The following IFT43 variants were observed in gnomAD, a reference collection of about 807,000 sequenced individuals.
IFT43 encodes the protein intraflagellar transport protein 43 homolog.
IFT43 carries 33 observed loss-of-function variants against 32.3 expected under a neutral mutation model. The ratio of observed to expected loss-of-function variants is 1.02; its 90% CI spans 0.77 to 1.37. The LOEUF is 1.37. IFT43 is among the 40% of genes most tolerant of loss of function. The pLI, the probability that IFT43 is intolerant of heterozygous loss-of-function variation, is 0.00. For missense variants in IFT43, 274 were observed against 265.9 expected (o/e 1.03, Z -0.21); for synonymous variants, 93 against 98.2 (o/e 0.95, Z 0.31).
intron 2 of IFT43, among the ~76,000 whole-genome samples, chr14:75,995,606 C>T (rs1214458189): frequency 6.6e-6 from 1 of 152,184 alleles, no homozygotes; most frequent in Non-Finnish European, 1.5e-5. Flanking sequence ...ACGTCTCTCG[C>T]CCTCCGCCTG....
At chr14:76,003,475 A>T (rs545018198) in intron 2 of IFT43, among the ~76,000 whole-genome samples, 116 of 152,008 alleles carry the variant, frequency 7.6e-4, no homozygotes, top group Admixed American at 1.9e-3. Flanking sequence ...AAAATACAAA[A>T]ATTAGCTGGG....
chr14:75,999,279 ATATTTTT>A (rs1566699801), intron 2 of IFT43, among the ~76,000 whole-genome samples: 6 of 20,680 alleles, frequency 2.9e-4, no homozygotes, highest in African/African-American at 9.0e-4. Flanking sequence ...ATATGTATAT[ATATTTTT>A]TTTTTTTTTT....
downstream of IFT43, chr14:76,084,073 A>T (rs1427077763): frequency 2.3e-6 from 1 of 432,094 alleles, no homozygotes. Context: ...GGGAGGGATA[A>T]GGAGACTCAT....
chr14:75,986,939 G>T (rs77903144), intron 1 of IFT43, among the ~76,000 whole-genome samples: 1,571 of 152,266 alleles, frequency 0.01, 29 homozygotes, highest in African/African-American at 0.036. Context: ...CAGTGTCCTA[G>T]GTGCTGGAGA....
intron 2 of IFT43, among the ~76,000 whole-genome samples, chr14:76,000,592 A>T (rs1594807304): frequency 6.6e-6 from 1 of 152,310 alleles, no homozygotes; most frequent in Non-Finnish European, 1.5e-5. Flanking sequence ...ATTTTTAAAA[A>T]GGTTCATCTA....
intron 5 of IFT43, among the ~76,000 whole-genome samples, chr14:76,062,938 A>AAAAAAAAACAAAAGAAAAAAG (rs1485146040): frequency 8.3e-6 from 1 of 120,832 alleles, no homozygotes; most frequent in African/African-American, 3.3e-5. Flanking sequence ...AAAAAAAAAA[A>AAAAAAAAACAAAAGAAAAAAG]AAAGAAAATA....
intron 4 of IFT43, 158 bp from the exon 5 acceptor site, chr14:76,059,169 C>A: frequency 6.4e-7 from 1 of 1,559,982 alleles, no homozygotes. Context: ...ACACGGCACA[C>A]CCAGTGGCCT....
rs749145719 is a variant in IFT43 at position 75,985,820 on chromosome 14, C to A, written c.34C>A (p.Arg12Ser). ...TTTGCTCGACTTGGACGAGGAGCTTCGCTACAGCTTGGCTACCTCCGTGAG... is the reference window on the plus strand; with the variant it reads ...TTTGCTCGACTTGGACGAGGAGCTTAGCTACAGCTTGGCTACCTCCGTGAG... ...EDLLDLDEEL[R>S]YSLATSRAKM... Residue 12 changes from arginine (R) to serine (S), a missense_variant, in exon 1 of 9, where the codon CGC becomes AGC. Physicochemically the swap from Arg to Ser is moderately radical, Grantham distance 110 (BLOSUM62 -1). Transcript: ENST00000314067. 2 of 1,614,036 alleles carry A rather than the reference C, an allele frequency of 1.2e-6. No individual in the cohort carries two copies. Among genetic ancestry groups the A allele is most frequent in the African/African-American group, 2.7e-5 (2 of 74,934 alleles).
intron 2 of IFT43, among the ~76,000 whole-genome samples, chr14:75,991,369 A>T (rs2035635611): frequency 7.3e-6 from 1 of 137,298 alleles, no homozygotes; most frequent in African/African-American, 3.2e-5. Context: ...TTATATATAT[A>T]TATATAAATA....
intron 3 of IFT43, among the ~76,000 whole-genome samples, chr14:76,044,142 C>T (rs571557660): frequency 2.5e-4 from 38 of 151,968 alleles, no homozygotes; most frequent in East Asian, 5.8e-4. Flanking sequence ...CTCCACCTTC[C>T]GCCCTATGTG....
intron 2 of IFT43, among the ~76,000 whole-genome samples, chr14:75,991,010 T>G (rs1327975340): frequency 6.6e-6 from 1 of 152,332 alleles, no homozygotes; most frequent in East Asian, 1.9e-4. Context: ...ATTCTCGTGA[T>G]CACTGGCACC....
chr14:76,083,776 A>G (rs1205343077), downstream of IFT43: 2 of 701,704 alleles, frequency 2.9e-6, no homozygotes, highest in South Asian at 1.5e-5. Flanking sequence ...CTTCTTGGAA[A>G]ATGTATCACA....
At chr14:76,049,906 T>A (rs1358262238) in intron 3 of IFT43, among the ~76,000 whole-genome samples, 1 of 152,166 alleles carries the variant, frequency 6.6e-6, no homozygotes, top group African/African-American at 2.4e-5. Context: ...TGTCAGTGTA[T>A]GTATTTATAG....
chr14:76,067,707 A>G (rs1384077584), intron 5 of IFT43, among the ~76,000 whole-genome samples: 2 of 152,168 alleles, frequency 1.3e-5, no homozygotes, highest in Admixed American at 6.6e-5. Context: ...TATGGGAACT[A>G]TTTACAAGAC....
chr14:76,074,897 A>C (rs189851309), intron 5 of IFT43, among the ~76,000 whole-genome samples: 204 of 152,340 alleles, frequency 1.3e-3, no homozygotes, highest in African/African-American at 4.8e-3. Context: ...GTCAGCCAAG[A>C]GAGCTGTCAC....
chr14:76,045,670 G>A (rs938830298), intron 3 of IFT43, among the ~76,000 whole-genome samples: 4 of 152,170 alleles, frequency 2.6e-5, no homozygotes, highest in African/African-American at 7.2e-5. Flanking sequence ...TCCTGGTTGT[G>A]GGATGGCTGC....
chr14:76,005,670 A>G (rs569093723), intron 2 of IFT43, among the ~76,000 whole-genome samples: 1 of 152,346 alleles, frequency 6.6e-6, no homozygotes, highest in East Asian at 1.9e-4. Context: ...CTTAAAGCCA[A>G]TAAAATTGCA....
At chr14:76,058,707 C>T in intron 4 of IFT43, 33 bp downstream of exon 4, 1 of 1,610,094 alleles carries the variant, frequency 6.2e-7, no homozygotes, top group Non-Finnish European at 8.5e-7. Context: ...CTTATGGTAT[C>T]CTATGTTGAT....
intron 2 of IFT43, among the ~76,000 whole-genome samples, chr14:75,999,847 T>A (rs1017869072): frequency 3.9e-5 from 6 of 152,204 alleles, no homozygotes; most frequent in African/African-American, 1.4e-4. Context: ...GCATTCCAAG[T>A]GGAGAAATAA....
Sources: allele counts gnomAD v4.1 joint callset (sites outside exome capture counted in the v4.1 genomes callset), GRCh38; gene constraint gnomAD v4.1.1; transcripts MANE v1.5; gene names NCBI Gene and HGNC (gene_info 2026-07-23, HGNC 2026-07-21).